The following SBK1 variants were observed in gnomAD, a reference collection of about 807,000 sequenced individuals.
The protein encoded by SBK1 is SH3 domain binding kinase 1, also known as serine/threonine-protein kinase SBK1.
Under a neutral mutation model 24.4 loss-of-function variants are expected in SBK1, and 11 were observed. The observed-to-expected ratio is 0.45, with a 90% CI of 0.28 to 0.75. The LOEUF (loss-of-function observed/expected upper bound fraction) is 0.75, where lower values mean the gene tolerates loss of function less well. Ranked by LOEUF, SBK1 falls within the 30% of genes least tolerant of loss-of-function variation. SBK1 has a pLI of 0.12. For synonymous variants in SBK1, 308 were observed against 284.4 expected (o/e 1.08, Z -0.83); for missense variants, 467 against 620.5 (o/e 0.75, Z 2.63).
At chr16:28,271,673 G>C (rs746808454) in intron 1 of SBK1, among the ~76,000 whole-genome samples, 5 of 152,170 alleles carry the variant, frequency 3.3e-5, no homozygotes, top group Non-Finnish European at 7.3e-5. Context: ...TCTCTTCAAG[G>C]AGATGAAATT....
Position 28,320,289 on chromosome 16 carries a change from AC to A in SBK1, c.644del (p.Thr215ArgfsTer142). On this transcript the variant is annotated frameshift_variant, in exon 4 of 4. Coordinates refer to ENST00000341901, the MANE Select transcript of SBK1 (RefSeq NM_001024401.3). LOFTEE classifies it high-confidence loss of function. This position sits in a 1 kb window ranked among gnomAD's most constrained non-coding sequence, Gnocchi z 8.5. ...GCGCGTGAGCGGCACCATCCCTTACACGGCGCCTGAGGTGTGCCAGGCGGGC... is the reference window on the plus strand; with the variant it reads ...GCGCGTGAGCGGCACCATCCCTTACAGGCGCCTGAGGTGTGCCAGGCGGGC... ...VKRVSGTIPY[T>X]APEVCQAGRA... 1 of 1,589,960 alleles carries A rather than the reference AC, an allele frequency of 6.3e-7. No individual in the cohort carries two copies. The highest frequency in any genetic ancestry group is 8.5e-7 in the Non-Finnish European group (1 of 1,174,208).
intron 1 of SBK1, among the ~76,000 whole-genome samples, chr16:28,276,538 C>T (rs2044494586): frequency 6.6e-6 from 1 of 152,140 alleles, no homozygotes; most frequent in South Asian, 2.1e-4. Flanking sequence ...TATAGCAGGA[C>T]AGGTGGGCAT....
chr16:28,320,808 C>T lies in SBK1; in HGVS notation c.1162C>T (p.Pro388Ser), dbSNP rs1406673148. 4 of 1,443,472 alleles carry T rather than the reference C, an allele frequency of 2.8e-6. No homozygotes were observed. Among genetic ancestry groups the T allele is most frequent in the Non-Finnish European group, 3.6e-6 (4 of 1,097,102 alleles). The allele number at this position is 1,443,472 out of a possible 1,614,324, so 89.4% of individuals were successfully genotyped here. Reference protein sequence around the residue: ...PVPVPVPVPVPVPEPGLAPQG... With the variant: ...PVPVPVPVPVSVPEPGLAPQG... Reference sequence around the variant, plus strand: ...GCCGGTGCCAGTGCCCGTGCCGGTGCCTGTGCCCGAGCCCGGCCTAGCTCC... The same window carrying T: ...GCCGGTGCCAGTGCCCGTGCCGGTGTCTGTGCCCGAGCCCGGCCTAGCTCC... The change falls in exon 4 of 4, where the codon CCT (proline) becomes TCT (serine). Residue 388 changes from proline to serine, a missense_variant. By Grantham distance (74) the Pro-to-Ser change is moderately conservative (BLOSUM62 -1). Coordinates refer to ENST00000341901, the MANE Select transcript of SBK1 (RefSeq NM_001024401.3). This position sits in a 1 kb window ranked among gnomAD's most constrained non-coding sequence, Gnocchi z 8.5.
intron 1 of SBK1, among the ~76,000 whole-genome samples, chr16:28,300,160 C>T (rs952150751): frequency 6.6e-6 from 1 of 152,190 alleles, no homozygotes; most frequent in South Asian, 2.1e-4. Context: ...GTTTGGTTCA[C>T]GAATGTATTC....
chr16:28,298,117 G>A (rs993683892), intron 1 of SBK1, among the ~76,000 whole-genome samples: 3 of 152,110 alleles, frequency 2.0e-5, no homozygotes, highest in East Asian at 1.9e-4. Context: ...CCCCTGGCTC[G>A]CCTCCTGCTC....
chr16:28,292,157 C>T (rs2044603177), upstream of SBK1: 1 of 151,710 alleles, frequency 6.6e-6, no homozygotes, highest in African/African-American at 2.4e-5. Context: ...TCTCGTCCCG[C>T]AGGGCCCAGA....
intron 1 of SBK1, among the ~76,000 whole-genome samples, chr16:28,309,561 A>C (rs1437691123): frequency 1.3e-5 from 2 of 152,122 alleles, no homozygotes; most frequent in Non-Finnish European, 2.9e-5. Context: ...CATGGGAGTT[A>C]GGTGGTATAT....
intron 1 of SBK1, among the ~76,000 whole-genome samples, chr16:28,313,914 G>A (rs975592693): frequency 1.3e-5 from 2 of 152,044 alleles, no homozygotes; most frequent in African/African-American, 2.4e-5. Context: ...GAGGATGCGG[G>A]GCTCATGGAG....
upstream of SBK1, chr16:28,290,817 T>C (rs150815627): frequency 6.6e-6 from 1 of 152,304 alleles, no homozygotes; most frequent in African/African-American, 2.4e-5. Flanking sequence ...ATGGTAGAGG[T>C]TGCCAACCTA....
At chr16:28,310,534 G>T (rs545364351) in intron 1 of SBK1, among the ~76,000 whole-genome samples, 1 of 152,234 alleles carries the variant, frequency 6.6e-6, no homozygotes, top group East Asian at 1.9e-4. Flanking sequence ...GTGTGACCTT[G>T]GGCAAGTTGC....
intron 1 of SBK1, among the ~76,000 whole-genome samples, chr16:28,300,132 T>C (rs1465632388): frequency 6.6e-6 from 1 of 152,214 alleles, no homozygotes; most frequent in African/African-American, 2.4e-5. Flanking sequence ...TATGAGCTCT[T>C]TGAGGGCAGG....
chr16:28,320,933 C>A lies in SBK1; in HGVS notation c.*12C>A. 7.0e-7 allele frequency: 1 copy of A among 1,426,840 alleles called. No individual in the cohort carries two copies. Among genetic ancestry groups the A allele is most frequent in the Non-Finnish European group, 9.2e-7 (1 of 1,091,922 alleles). The allele number at this position is 1,426,840 out of a possible 1,614,324, so 88.4% of individuals were successfully genotyped here. A position where few individuals can be genotyped will look rare whatever the true frequency, so the allele number is the denominator to read the frequency against. On this transcript the variant is annotated 3_prime_UTR_variant, in exon 4 of 4. Transcript: ENST00000341901. This position sits in a 1 kb window ranked among gnomAD's most constrained non-coding sequence, Gnocchi z 8.5. ...AGATCTGCGTCTGAGTCGCCTCCGC[C>A]GCCCTCGGACCCGGGAGCAGCCCGG...
At chr16:28,274,433 C>T (rs541271421) in intron 1 of SBK1, among the ~76,000 whole-genome samples, 7 of 152,070 alleles carry the variant, frequency 4.6e-5, no homozygotes, top group East Asian at 3.9e-4. Context: ...GCAGAGCACC[C>T]GAGGTCTGGA....
intron 1 of SBK1, among the ~76,000 whole-genome samples, chr16:28,307,316 G>T (rs1388577434): frequency 6.6e-6 from 1 of 152,208 alleles, no homozygotes; most frequent in Non-Finnish European, 1.5e-5. Context: ...GCACAGAGTG[G>T]TCATGTCATT....
chr16:28,307,859 C>T (rs1363904067), intron 1 of SBK1, among the ~76,000 whole-genome samples: 1 of 152,098 alleles, frequency 6.6e-6, no homozygotes, highest in African/African-American at 2.4e-5. Context: ...ATGGGGATAG[C>T]GACGGTAGCA....
intron 1 of SBK1, among the ~76,000 whole-genome samples, chr16:28,304,665 TG>T (rs2044703047): frequency 6.6e-6 from 1 of 152,268 alleles, no homozygotes; most frequent in African/African-American, 2.4e-5. Context: ...TGGAGTGCAG[TG>T]GCACAATCTC....
intron 2 of SBK1, 51 bp from the exon 3 acceptor site, chr16:28,318,944 C>T (rs576801241): frequency 1.4e-5 from 19 of 1,384,000 alleles, no homozygotes; most frequent in Admixed American, 1.0e-4. Context: ...GCATCCAGTG[C>T]GGAGGCACTG....
chr16:28,263,334 C>T (rs2044408669), intron 1 of SBK1, among the ~76,000 whole-genome samples: 1 of 152,144 alleles, frequency 6.6e-6, no homozygotes, highest in South Asian at 2.1e-4. Context: ...AGGTTCAAAG[C>T]CCATTGTGAA....
rs1286365974 is a variant in SBK1, at chr16:28,320,841, C to G, written c.1195C>G (p.Pro399Ala). 1.4e-6 allele frequency: 2 copies of G among 1,465,774 alleles called. No homozygotes were observed. Among genetic ancestry groups the G allele is most frequent in the East Asian group, 3.1e-5 (1 of 32,234 alleles). 90.8% of individuals were successfully genotyped at this position (1,465,774 alleles called of 1,614,324 possible). ...VPEPGLAPQG[P>A]PGRTDGRADK... ...CGAGCCCGGCCTAGCTCCCCAGGGG[C>G]CCCCCGGCCGGACCGACGGCCGCGC... The change falls in exon 4 of 4, where the codon CCC becomes GCC. Residue 399 changes from proline to alanine, a missense_variant. Pro to Ala is a conservative substitution (Grantham distance 27). Transcript: ENST00000341901. The surrounding 1 kb of genome is among the most constrained non-coding windows in gnomAD (Gnocchi z 8.5).
Sources: allele counts gnomAD v4.1 joint callset (sites outside exome capture counted in the v4.1 genomes callset), GRCh38; gene constraint gnomAD v4.1.1; non-coding constraint Gnocchi (gnomAD v3.1); transcripts MANE v1.5; gene names NCBI Gene and HGNC (gene_info 2026-07-23, HGNC 2026-07-21).